NXPE4: variants seen among roughly 807,000 people sequenced by gnomAD.
NXPE4 encodes NXPE family member 4.
NXPE4 carries 42 observed loss-of-function variants against 33.3 expected under a neutral mutation model. The ratio of observed to expected loss-of-function variants is 1.26; its 90% CI spans 0.98 to 1.63. The LOEUF (loss-of-function observed/expected upper bound fraction) is 1.63, where lower values mean the gene tolerates loss of function less well. Among genes scored for constraint, NXPE4 ranks in the 40% most tolerant of loss-of-function variants. NXPE4 has a pLI of 0.00. For missense variants in NXPE4, 709 were observed against 647.6 expected (o/e 1.09, Z -1.03); for synonymous variants, 253 against 234.9 (o/e 1.08, Z -0.71).
chr11:114,582,669 C>A lies in NXPE4; in HGVS notation c.449G>T (p.Gly150Val), dbSNP rs767129579. The change falls in exon 3 of 6, where the codon GGT (glycine) becomes GTT (valine). Residue 150 changes from glycine (G) to valine (V), a missense_variant. Transcript: ENST00000375478. ...GAAGTCAGTCACCTTTCCTGAAGCA[C>A]CTGCCATCAGCGCTGGGGAAGACAT... ...ARMSSPALMAGASGKVTDFNN... is the reference protein window; with the variant it reads ...ARMSSPALMAVASGKVTDFNN... 2 of 1,614,178 alleles carry A rather than the reference C, an allele frequency of 1.2e-6. No individual in the cohort carries two copies. The highest frequency in any genetic ancestry group is 1.7e-6 in the Non-Finnish European group (2 of 1,180,018).
rs753809110 is a variant in NXPE4, at chr11:114,582,352, G to T, written c.766C>A (p.His256Asn). Residue 256 changes from histidine to asparagine, a missense_variant, in exon 3 of 6, where the codon CAC becomes AAC. Transcript: ENST00000375478. The stretch of plus-strand genomic sequence containing the variant: ...ACTTTCTTGTTCTTAGAATACATGT[G>T]AGTGAGTGCAGCACAGGGCATGTGT... ...PQHMPCAALT[H>N]MYSKNKKVSY... 6.2e-7 allele frequency: 1 copy of T among 1,612,594 alleles called. No homozygotes were observed. The highest frequency in any genetic ancestry group is 1.1e-5 in the South Asian group (1 of 91,024).
chr11:114,586,569 C>T (rs1225572962), intron 2 of NXPE4, among the ~76,000 whole-genome samples: 1 of 152,118 alleles, frequency 6.6e-6, no homozygotes, highest in Non-Finnish European at 1.5e-5. Context: ...CCTCAGGGTG[C>T]TGGGAATGTT....
chr11:114,608,038 G>T, the NXPE4 span, among the ~76,000 whole-genome samples: 4 of 151,658 alleles, frequency 2.6e-5, no homozygotes, highest in African/African-American at 9.7e-5. Context: ...TTACCTGCTG[G>T]ATAATAAGTG....
At chr11:114,630,855 T>A in the NXPE4 span, among the ~76,000 whole-genome samples, 1 of 151,546 alleles carries the variant, frequency 6.6e-6, no homozygotes, top group Non-Finnish European at 1.5e-5. Context: ...CATCAAAAAG[T>A]GGGCAAAGGA....
At chr11:114,613,752 G>A in the NXPE4 span, among the ~76,000 whole-genome samples, 21 of 151,854 alleles carry the variant, frequency 1.4e-4, no homozygotes, top group Admixed American at 5.3e-4. Context: ...ACTGTTACCC[G>A]GTGGATAATA....
chr11:114,607,339 G>C, the NXPE4 span, among the ~76,000 whole-genome samples: 1 of 151,940 alleles, frequency 6.6e-6, no homozygotes, highest in African/African-American at 2.4e-5. Context: ...TTGATACTAA[G>C]TATTGCCTCG....
chr11:114,573,758 T>C (rs1281645535), intron 5 of NXPE4, among the ~76,000 whole-genome samples: 1 of 151,926 alleles, frequency 6.6e-6, no homozygotes, highest in African/African-American at 2.4e-5. Context: ...GGCAATACAA[T>C]AGTGGGGAAC....
At chr11:114,671,144 T>C in the NXPE4 span, among the ~76,000 whole-genome samples, 1 of 149,558 alleles carries the variant, frequency 6.7e-6, no homozygotes, top group Non-Finnish European at 1.5e-5. Flanking sequence ...GTACAATAAC[T>C]GATATGAAAA....
chr11:114,638,221 T>C, the NXPE4 span, among the ~76,000 whole-genome samples: 35 of 152,110 alleles, frequency 2.3e-4, no homozygotes, highest in African/African-American at 7.7e-4. Flanking sequence ...ATTTCGTCTT[T>C]CATCACTGAT....
intron 5 of NXPE4, among the ~76,000 whole-genome samples, chr11:114,572,141 C>G (rs1390126365): frequency 2.6e-5 from 4 of 152,080 alleles, no homozygotes; most frequent in Non-Finnish European, 2.9e-5. Context: ...TTGCGAGACT[C>G]AGGAAGCCCC....
the NXPE4 span, among the ~76,000 whole-genome samples, chr11:114,641,483 C>CAAACATTA: frequency 6.6e-6 from 1 of 152,002 alleles, no homozygotes; most frequent in Admixed American, 6.6e-5. Flanking sequence ...TACTTTATAT[C>CAAACATTA]AAACATTAGG....
intron 1 of NXPE4, 51 bp from the exon 2 acceptor site, chr11:114,594,820 A>C: frequency 1.1e-6 from 1 of 939,496 alleles, no homozygotes; most frequent in Non-Finnish European, 1.7e-6. Context: ...CAAAACAGAA[A>C]AGCAAACAAA....
the NXPE4 span, among the ~76,000 whole-genome samples, chr11:114,641,120 C>T: frequency 2.6e-5 from 4 of 151,862 alleles, no homozygotes; most frequent in Non-Finnish European, 4.4e-5. Context: ...TAGTCTGGTG[C>T]ACGAGTAGAA....
Position 114,571,343 on chromosome 11 carries a change from G to T in NXPE4, c.1230C>A (p.Val410=). The T allele has an allele frequency of 1.2e-6, 2 of 1,613,934 alleles. No individual in the cohort carries two copies. The highest frequency in any genetic ancestry group is 1.7e-6 in the Non-Finnish European group (2 of 1,179,922). The change falls in exon 6 of 6, where the codon GTC becomes GTA. Residue 410 remains valine (V), a synonymous_variant. Coordinates refer to ENST00000375478, the MANE Select transcript of NXPE4 (RefSeq NM_001077639.2). ...CCCGGGTGAGGTACTCCATCTCTTT[G>T]ACTGAATAGGTCATTGATCCTATCA... is the stretch of plus-strand genomic sequence containing the variant. The part of the protein sequence containing the change: ...YPLIGSMTYS[V]KEMEYLTRAI...
At chr11:114,644,147 G>A in the NXPE4 span, among the ~76,000 whole-genome samples, 1 of 152,306 alleles carries the variant, frequency 6.6e-6, no homozygotes, top group African/African-American at 2.4e-5. Flanking sequence ...AGCTTAAGGA[G>A]ATTTTGGGCT....
At chr11:114,654,667 T>C in the NXPE4 span, among the ~76,000 whole-genome samples, 2 of 152,230 alleles carry the variant, frequency 1.3e-5, no homozygotes. Context: ...TTTTTATGGA[T>C]GCATAGTATT....
intron 2 of NXPE4, among the ~76,000 whole-genome samples, chr11:114,594,304 T>C (rs1949529025): frequency 6.6e-6 from 1 of 152,092 alleles, no homozygotes; most frequent in Non-Finnish European, 1.5e-5. Flanking sequence ...CATAAATACA[T>C]ACACCTACTT....
chr11:114,632,725 T>C, the NXPE4 span, among the ~76,000 whole-genome samples: 3 of 59,674 alleles, frequency 5.0e-5, no homozygotes, highest in East Asian at 6.0e-4. Context: ...ATATATATAA[T>C]ATATAATATA....
the NXPE4 span, among the ~76,000 whole-genome samples, chr11:114,635,273 G>A: frequency 2.1e-4 from 31 of 149,770 alleles, no homozygotes; most frequent in South Asian, 5.6e-3. Flanking sequence ...TTTGTCTGTT[G>A]TTGGTGTATA....
Sources: gnomAD v4.1 joint callset for allele counts (sites outside exome capture counted in the v4.1 genomes callset) on GRCh38, gnomAD v4.1.1 for gene constraint, MANE v1.5 for transcripts, NCBI Gene and HGNC (gene_info 2026-07-23, HGNC 2026-07-21) for gene names.